Variants in ZNF469 observed in about 807,000 individuals in gnomAD.
ZNF469 encodes zinc finger protein 469.
ZNF469 carries 1 observed loss-of-function variant against 1.0 expected under a neutral mutation model. That is an observed-to-expected ratio of 1.00 (90% CI 0.35 to 4.73). The LOEUF (loss-of-function observed/expected upper bound fraction) is 4.73. Ranked by LOEUF, ZNF469 falls within the 30% of genes most tolerant of loss-of-function variation. The pLI, the probability that ZNF469 is intolerant of heterozygous loss-of-function variation, is 0.16. For missense variants in ZNF469, 6,100 were observed against 5,356.3 expected (o/e 1.14, Z -4.33); for synonymous variants, 2,703 against 2,363.4 (o/e 1.14, Z -4.17).
chr16:88,205,716 G>A, the ZNF469 span, among the ~76,000 whole-genome samples: 6 of 152,166 alleles, frequency 3.9e-5, no homozygotes, highest in Admixed American at 3.9e-4. This position sits in a 1 kb window ranked among gnomAD's most constrained non-coding sequence, Gnocchi z 4.2. Flanking sequence ...GTGTAGTGAC[G>A]AGGTGTCAGA....
the ZNF469 span, among the ~76,000 whole-genome samples, chr16:88,103,858 G>T: frequency 6.7e-6 from 1 of 148,310 alleles, no homozygotes; most frequent in Non-Finnish European, 1.5e-5. Flanking sequence ...CACGGAGGGG[G>T]TGGAATGATC....
the ZNF469 span, among the ~76,000 whole-genome samples, chr16:88,193,043 T>C: frequency 6.8e-6 from 1 of 147,810 alleles, no homozygotes; most frequent in African/African-American, 2.5e-5. Context: ...GTGATGGTGG[T>C]GGTGATGATG....
At chr16:88,297,747 C>T in the ZNF469 span, among the ~76,000 whole-genome samples, 2 of 152,210 alleles carry the variant, frequency 1.3e-5, no homozygotes, top group Non-Finnish European at 2.9e-5. Flanking sequence ...TCAGGGCCCA[C>T]CCAGGTGGTC....
rs1468838791 is a variant in ZNF469, at chr16:88,436,320, C to T, written c.8850C>T (p.Gly2950=). 2 of 1,549,616 alleles carry T rather than the reference C, an allele frequency of 1.3e-6. No individual in the cohort carries two copies. Among genetic ancestry groups the T allele is most frequent in the East Asian group, 4.9e-5 (2 of 40,894 alleles). The change falls in exon 3 of 3, where the codon GGC becomes GGT. Residue 2950 remains glycine, a synonymous_variant. Coordinates refer to ENST00000565624, the MANE Select transcript of ZNF469 (RefSeq NM_001367624.2). ...LDGFLNSRVP[G]IDPWAPGLSL... ...GGTTCCTCAATAGCAGGGTGCCTGG[C>T]ATTGACCCCTGGGCCCCCGGCCTCA...
At chr16:88,106,844 G>A in the ZNF469 span, among the ~76,000 whole-genome samples, 13 of 152,384 alleles carry the variant, frequency 8.5e-5, no homozygotes, top group Admixed American at 6.5e-4. Context: ...TGAAGCCATC[G>A]CCCCCAGGCG....
Position 88,437,092 on chromosome 16 carries a change from C to G in ZNF469, c.9622C>G (p.Arg3208Gly). ...AVRFARRGQARRSLGDLPGGL... is the reference protein window; with the variant it reads ...AVRFARRGQAGRSLGDLPGGL... ...CCGCTTCGCCCGCAGGGGGCAGGCG[C>G]GGAGGTCCTTGGGGGACCTGCCCGG... Residue 3208 changes from arginine to glycine, a missense_variant, in exon 3 of 3, where the codon CGG becomes GGG. Coordinates refer to ENST00000565624, the MANE Select transcript of ZNF469 (RefSeq NM_001367624.2). The G allele has an allele frequency of 6.5e-7, 1 of 1,545,626 alleles. No homozygotes were observed. Among genetic ancestry groups the G allele is most frequent in the African/African-American group, 1.4e-5 (1 of 73,124 alleles).
chr16:88,186,988 G>A, the ZNF469 span, among the ~76,000 whole-genome samples: 2 of 152,136 alleles, frequency 1.3e-5, no homozygotes, highest in Non-Finnish European at 2.9e-5. Context: ...AGGCACAATG[G>A]CAGGCTTTGT....
At position 88,428,737 on chromosome 16, in the gene ZNF469, C is replaced by A. The variant is rs1337885316; in HGVS notation, c.1267C>A (p.Pro423Thr). The change falls in exon 3 of 3, where the codon CCG (proline) becomes ACG (threonine). Residue 423 changes from proline to threonine, a missense_variant. Transcript: ENST00000565624. Reference sequence around the variant, plus strand: ...TGGGGTGGACACCAGCCCGGGGCCTCCGGACACCGAGCTGGCCGCCCCAGG... The same window carrying A: ...TGGGGTGGACACCAGCCCGGGGCCTACGGACACCGAGCTGGCCGCCCCAGG... ...ASGVDTSPGP[P>T]DTELAAPGPP... 3.2e-6 allele frequency: 5 copies of A among 1,546,972 alleles called. No individual in the cohort carries two copies. The highest frequency in any genetic ancestry group is 3.5e-6 in the Non-Finnish European group (4 of 1,146,550).
the ZNF469 span, among the ~76,000 whole-genome samples, chr16:88,128,999 A>G: frequency 1.3e-5 from 2 of 152,262 alleles, no homozygotes; most frequent in African/African-American, 2.4e-5. Flanking sequence ...TGAAATACGC[A>G]TGTTTGCGTT....
the ZNF469 span, among the ~76,000 whole-genome samples, chr16:88,276,107 C>T: frequency 2.0e-5 from 3 of 152,168 alleles, no homozygotes; most frequent in Non-Finnish European, 2.9e-5. Context: ...CACAGTGCAA[C>T]GACCAAACAG....
the ZNF469 span, among the ~76,000 whole-genome samples, chr16:88,364,000 A>G: frequency 6.6e-6 from 1 of 152,178 alleles, no homozygotes; most frequent in Non-Finnish European, 1.5e-5. Context: ...ACTTTTATTT[A>G]TCAGTCTTTT....
chr16:88,133,705 CTT>C, the ZNF469 span, among the ~76,000 whole-genome samples: 13,415 of 151,370 alleles, frequency 0.089, 586 homozygotes, highest in African/African-American at 0.22. Context: ...AATTAACTAA[CTT>C]AACATTCATA....
the ZNF469 span, among the ~76,000 whole-genome samples, chr16:88,179,821 G>A: frequency 1.3e-5 from 2 of 152,252 alleles, no homozygotes; most frequent in African/African-American, 4.8e-5. Context: ...GTATTGTGGG[G>A]TTTGTAACAT....
At chr16:88,303,603 G>C in the ZNF469 span, among the ~76,000 whole-genome samples, 2 of 152,222 alleles carry the variant, frequency 1.3e-5, no homozygotes, top group Non-Finnish European at 2.9e-5. Context: ...CCTCCCGAGG[G>C]CATGGGGTCC....
the ZNF469 span, among the ~76,000 whole-genome samples, chr16:88,283,966 TGTGGAG>T: frequency 9.5e-6 from 1 of 105,630 alleles, no homozygotes; most frequent in African/African-American, 4.0e-5. Flanking sequence ...GCCCAAGGTC[TGTGGAG>T]GCTGGTAGAC....
At chr16:88,317,063 A>G in the ZNF469 span, among the ~76,000 whole-genome samples, 9 of 152,146 alleles carry the variant, frequency 5.9e-5, no homozygotes, top group Admixed American at 3.3e-4. Flanking sequence ...GGGCTCTGGC[A>G]GAGAGAGGGG....
chr16:88,265,077 C>T, the ZNF469 span, among the ~76,000 whole-genome samples: 7 of 152,050 alleles, frequency 4.6e-5, no homozygotes, highest in East Asian at 1.4e-3. Flanking sequence ...GTTCAGGTTT[C>T]GGCAGCTGCC....
chr16:88,404,384 G>C (rs1377832889), intron 1 of ZNF469, among the ~76,000 whole-genome samples: 1 of 152,236 alleles, frequency 6.6e-6, no homozygotes, highest in African/African-American at 2.4e-5. Flanking sequence ...CGGTGCGTGT[G>C]CTGTTAGTGA....
At chr16:88,381,729 C>T (rs924438431), upstream of ZNF469, among the ~76,000 whole-genome samples, 1 of 152,276 alleles carries the variant, frequency 6.6e-6, no homozygotes, top group Admixed American at 6.5e-5. Context: ...TTTCAATTCA[C>T]GTTTTCGCGT....
Sources: gnomAD v4.1 joint callset for allele counts (sites outside exome capture counted in the v4.1 genomes callset) on GRCh38, gnomAD v4.1.1 for gene constraint, Gnocchi (gnomAD v3.1) non-coding constraint, MANE v1.5 for transcripts, NCBI Gene and HGNC (gene_info 2026-07-23, HGNC 2026-07-21) for gene names.